Variants in MAP4K4 observed in about 807,000 individuals in gnomAD.
The protein encoded by MAP4K4 is HPK/GCK-like kinase HGK.
A neutral mutation model predicts 189.6 loss-of-function variants in MAP4K4; 38 were observed. The observed-to-expected ratio is 0.20, with a 90% CI of 0.15 to 0.26. The LOEUF is 0.26. Ranked by LOEUF, MAP4K4 falls within the 10% of genes least tolerant of loss-of-function variation. The pLI, the probability that MAP4K4 is intolerant of heterozygous loss-of-function variation, is 1.00. For synonymous variants in MAP4K4, 610 were observed against 624.3 expected, an observed-to-expected ratio of 0.98 and a Z score of 0.34; for missense variants, 1,054 against 1,726.9, an observed-to-expected ratio of 0.61 and a Z score of 6.91.
chr2:101,806,807 T>C (rs1390345040), intron 3 of MAP4K4, among the ~76,000 whole-genome samples: 1 of 152,210 alleles, frequency 6.6e-6, no homozygotes, highest in East Asian at 1.9e-4. Flanking sequence ...TTAAGTTGTT[T>C]AGAAAGCAGA....
chr2:101,698,052 T>C, exon 1 of MAP4K4: 1 of 1,317,470 alleles, frequency 7.6e-7, no homozygotes, highest in Non-Finnish European at 1.0e-6. Flanking sequence ...CATTTATTGT[T>C]ATTTGTTTTT....
chr2:101,738,411 C>T (rs758353393), intron 2 of MAP4K4, among the ~76,000 whole-genome samples: 6 of 152,092 alleles, frequency 3.9e-5, no homozygotes, highest in African/African-American at 7.2e-5. Flanking sequence ...AAGTAACTTA[C>T]ATGCAGATTT....
chr2:101,784,282 G>T (rs574300406), intron 2 of MAP4K4, among the ~76,000 whole-genome samples: 1 of 140,094 alleles, frequency 7.1e-6, no homozygotes, highest in African/African-American at 2.9e-5. Context: ...GTGTGTGTGT[G>T]TGTGTATGTG....
chr2:101,852,488 T>G (rs1441818407), intron 12 of MAP4K4, among the ~76,000 whole-genome samples: 1 of 152,158 alleles, frequency 6.6e-6, no homozygotes, highest in Non-Finnish European at 1.5e-5. Flanking sequence ...GTCTCTTTTG[T>G]GTTGATCTAG....
chr2:101,860,749 C>T (rs1182732016), intron 15 of MAP4K4, 76 bp from the exon 16 acceptor site: 5 of 1,243,382 alleles, frequency 4.0e-6, no homozygotes, highest in Non-Finnish European at 5.5e-6. Context: ...AGATTTCTTC[C>T]ACTTTTAGAC....
At chr2:101,830,872 C>G (rs1345393461) in intron 6 of MAP4K4, among the ~76,000 whole-genome samples, 2 of 152,166 alleles carry the variant, frequency 1.3e-5, no homozygotes, top group East Asian at 3.9e-4. Flanking sequence ...GCCCGTGTGT[C>G]TCTGTCTCTA....
chr2:101,732,575 C>CCT (rs973840832), intron 2 of MAP4K4, among the ~76,000 whole-genome samples: 5 of 152,022 alleles, frequency 3.3e-5, no homozygotes, highest in African/African-American at 1.2e-4. Context: ...ACCTGTTAGT[C>CCT]ATCTCCTTGC....
intron 27 of MAP4K4, among the ~76,000 whole-genome samples, chr2:101,878,024 T>C (rs972022351): frequency 1.3e-5 from 2 of 152,182 alleles, no homozygotes; most frequent in East Asian, 1.9e-4. Flanking sequence ...GCTGGGATTA[T>C]AGGCATGAGC....
intron 2 of MAP4K4, among the ~76,000 whole-genome samples, chr2:101,764,551 G>A (rs568146222): frequency 6.6e-6 from 1 of 152,298 alleles, no homozygotes; most frequent in Admixed American, 6.5e-5. Flanking sequence ...TTAGGAGATG[G>A]TATGCCATAT....
chr2:101,716,850 T>A (rs1345097317), intron 2 of MAP4K4, among the ~76,000 whole-genome samples: 2 of 152,176 alleles, frequency 1.3e-5, no homozygotes, highest in African/African-American at 4.8e-5. Flanking sequence ...TTCCCATATC[T>A]CAGTTTTCTT....
rs117446001 is a variant in MAP4K4, at chr2:101,814,965, G to A, written c.181-8963G>A. On this transcript the variant is annotated intron_variant, in intron 3 of 32. Transcript: ENST00000324219. ...CAAAGTTAGAAAGTCACTGAGCTGT[G>A]TAAATACTAGCCATTGGCCTTGCCC... 1.8e-3 allele frequency among the ~76,000 whole-genome samples: 269 copies of A among 152,310 alleles called. 4 individuals carry two copies. In the East Asian group the frequency reaches 0.039, roughly 22 times the overall value.
intron 2 of MAP4K4, among the ~76,000 whole-genome samples, chr2:101,749,105 A>G (rs1303642393): frequency 3.4e-4 from 51 of 149,528 alleles, no homozygotes; most frequent in African/African-American, 1.1e-3. Flanking sequence ...TACAGATTCA[A>G]TGCCATCCCC....
At chr2:101,730,501 G>A (rs1208066391) in intron 2 of MAP4K4, among the ~76,000 whole-genome samples, 1 of 152,126 alleles carries the variant, frequency 6.6e-6, no homozygotes, top group Non-Finnish European at 1.5e-5. Flanking sequence ...AAGAAGGTTG[G>A]GTGGGGGAAG....
chr2:101,782,366 T>C (rs2088091705), intron 2 of MAP4K4, among the ~76,000 whole-genome samples: 1 of 152,220 alleles, frequency 6.6e-6, no homozygotes, highest in Non-Finnish European at 1.5e-5. Flanking sequence ...TTGTTTCAGA[T>C]AAGGTAGCTG....
chr2:101,831,489 TC>T (rs1329776061), intron 6 of MAP4K4, among the ~76,000 whole-genome samples: 1 of 151,784 alleles, frequency 6.6e-6, no homozygotes, highest in Non-Finnish European at 1.5e-5. Context: ...GGCAGCCAGA[TC>T]CAGGCCTCAC....
At chr2:101,867,380 T>G (rs1168010358) in intron 20 of MAP4K4, 71 bp downstream of exon 20, 53 of 1,175,102 alleles carry the variant, frequency 4.5e-5, no homozygotes, top group Non-Finnish European at 6.2e-5. Flanking sequence ...AAATATGTGG[T>G]TGAGAGGCCT....
intron 2 of MAP4K4, among the ~76,000 whole-genome samples, chr2:101,763,975 C>T (rs574446004): frequency 2.0e-5 from 3 of 151,920 alleles, no homozygotes; most frequent in African/African-American, 7.2e-5. Flanking sequence ...TATGATTTTG[C>T]CTGAGAAATA....
At chr2:101,817,643 G>A (rs2095805147) in intron 3 of MAP4K4, among the ~76,000 whole-genome samples, 1 of 152,176 alleles carries the variant, frequency 6.6e-6, no homozygotes, top group Admixed American at 6.5e-5. Context: ...CGCGCTGGGG[G>A]CTTTGCTGTG....
chr2:101,727,790 G>A (rs781637987), intron 2 of MAP4K4, among the ~76,000 whole-genome samples: 13 of 152,190 alleles, frequency 8.5e-5, no homozygotes, highest in Non-Finnish European at 1.6e-4. Flanking sequence ...CCAACATGGT[G>A]AAACCCTGTC....
Sources: allele counts gnomAD v4.1 joint callset (sites outside exome capture counted in the v4.1 genomes callset), GRCh38; gene constraint gnomAD v4.1.1; transcripts MANE v1.5; gene names NCBI Gene and HGNC (gene_info 2026-07-23, HGNC 2026-07-21).